PRR12: variants seen among roughly 807,000 people sequenced by gnomAD.
PRR12 encodes proline rich 12.
Under a neutral mutation model 138.0 loss-of-function variants are expected in PRR12, and 12 were observed. The ratio of observed to expected loss-of-function variants is 0.09; its 90% CI spans 0.06 to 0.14. The LOEUF (loss-of-function observed/expected upper bound fraction) is 0.14, where lower values mean the gene tolerates loss of function less well. PRR12 is among the 10% of genes least tolerant of loss of function. The pLI is 1.00. For synonymous variants in PRR12, 1,567 were observed against 1,291.7 expected (o/e 1.21, Z -4.57); for missense variants, 2,692 against 2,861.3 (o/e 0.94, Z 1.35).
rs1446601786 is a variant in PRR12 at position 49,597,137 on chromosome 19, C to T, written c.2802C>T (p.Phe934=). Residue 934 remains phenylalanine, a synonymous_variant, in exon 4 of 14, where the codon TTC becomes TTT. Coordinates refer to ENST00000418929, the MANE Select transcript of PRR12 (RefSeq NM_020719.3). This position sits in a 1 kb window ranked among gnomAD's most constrained non-coding sequence, Gnocchi z 6.3. ...TCGTGCCGCTCACCTCCATCTGCTT[C>T]CCTGACTCCTTGCTCCAAGACGAGG... ...PRFVPLTSIC[F]PDSLLQDEER... 1.9e-6 allele frequency: 3 copies of T among 1,551,526 alleles called. No individual in the cohort carries two copies. The highest frequency in any genetic ancestry group is 1.2e-5 in the South Asian group (1 of 84,146).
intron 6 of PRR12, among the ~76,000 whole-genome samples, chr19:49,610,704 T>G (rs548119567): frequency 1.5e-3 from 231 of 151,476 alleles, no homozygotes; most frequent in Admixed American, 8.7e-3. Context: ...ACCACGTCCG[T>G]CTAATTTTTT....
Position 49,597,011 on chromosome 19 carries a change from G to A in PRR12, c.2676G>A (p.Pro892=), listed in dbSNP as rs746772578. The change falls in exon 4 of 14, where the codon CCG becomes CCA. Residue 892 remains proline, a synonymous_variant. Coordinates refer to ENST00000418929, the MANE Select transcript of PRR12 (RefSeq NM_020719.3). The surrounding 1 kb of genome is among the most constrained non-coding windows in gnomAD (Gnocchi z 6.3). ...ELLGALEPLP[P]APGDTGVGPP... ...TCGGGGCTCTGGAGCCGCTGCCCCC[G>A]GCGCCTGGGGATACTGGCGTAGGCC... 1.3e-6 allele frequency: 2 copies of A among 1,556,942 alleles called. No individual in the cohort carries two copies. The highest frequency in any genetic ancestry group is 1.7e-6 in the Non-Finnish European group (2 of 1,153,350).
In PRR12 at chr19:49,594,669, T is replaced by C; in HGVS notation, c.362-28T>C. On this transcript the variant is annotated intron_variant, in intron 3 of 13. Coordinates refer to ENST00000418929, the MANE Select transcript of PRR12 (RefSeq NM_020719.3). The surrounding 1 kb of genome is among the most constrained non-coding windows in gnomAD (Gnocchi z 5.6). ...AGGGTGGGACTGGCTCGCTGTTCTC[T>C]CTGACGCGCGGTCTTCCTCATCTCC... The C allele has an allele frequency of 6.2e-7, 1 of 1,610,736 alleles. No homozygotes were observed. Among genetic ancestry groups the C allele is most frequent in the Non-Finnish European group, 8.5e-7 (1 of 1,179,528 alleles).
intron 6 of PRR12, among the ~76,000 whole-genome samples, chr19:49,608,581 G>A (rs1489197678): frequency 6.6e-6 from 1 of 152,084 alleles, no homozygotes; most frequent in African/African-American, 2.4e-5. Context: ...ATGTTGGCCA[G>A]GGTGGTCTCG....
intron 9 of PRR12, among the ~76,000 whole-genome samples, chr19:49,618,545 G>A (rs1248603550): frequency 6.6e-6 from 1 of 151,992 alleles, no homozygotes; most frequent in Non-Finnish European, 1.5e-5. Context: ...GTGCCACCAT[G>A]CCCGGCTAAT....
chr19:49,592,624 C>G (rs960062593), intron 1 of PRR12, among the ~76,000 whole-genome samples: 7 of 152,132 alleles, frequency 4.6e-5, no homozygotes, highest in African/African-American at 1.7e-4. Flanking sequence ...CAGGATTTTC[C>G]GTGTGGGATT....
chr19:49,598,050 G>T, intron 4 of PRR12, 37 bp downstream of exon 4: 1 of 1,295,746 alleles, frequency 7.7e-7, no homozygotes. Context: ...GATAGGGGAG[G>T]AGGAGCTGTG....
At chr19:49,601,050 A>G (rs1303230665) in intron 5 of PRR12, among the ~76,000 whole-genome samples, 1 of 152,100 alleles carries the variant, frequency 6.6e-6, no homozygotes, top group Non-Finnish European at 1.5e-5. Context: ...AAAAGCCTGA[A>G]GAAGGGAGCT....
chr19:49,620,961 C>T (rs1371920148), intron 10 of PRR12, among the ~76,000 whole-genome samples: 1 of 135,904 alleles, frequency 7.4e-6, no homozygotes, highest in Admixed American at 7.3e-5. Flanking sequence ...GGCCTGGACT[C>T]CTGGGTCTGA....
rs543237301 is a variant in PRR12 at position 49,591,243 on chromosome 19, C to A, written c.-412C>A. ...ACCGTGAGCGCAGAGGAGGAGGAGG[C>A]GGCGGCGGCGGCGGCGAGAGAGCGA... On this transcript the variant is annotated 5_prime_UTR_variant, in exon 1 of 14. Coordinates refer to ENST00000418929, the MANE Select transcript of PRR12 (RefSeq NM_020719.3). Among the ~76,000 whole-genome samples, 4 of 126,772 alleles carry A rather than the reference C, an allele frequency of 3.2e-5. No individual in the cohort carries two copies. The highest frequency in any genetic ancestry group is 2.7e-4 in the East Asian group (1 of 3,722). The allele number at this position is 126,772 out of a possible 152,430, so 83.2% of individuals were successfully genotyped here. A position where few individuals can be genotyped will look rare whatever the true frequency, so the allele number is the denominator to read the frequency against.
Position 49,595,024 on chromosome 19 carries a change from G to A in PRR12, c.689G>A (p.Gly230Asp). 6.2e-7 allele frequency: 1 copy of A among 1,603,990 alleles called. No homozygotes were observed. The highest frequency in any genetic ancestry group is 2.3e-5 in the East Asian group (1 of 44,420). ...GCCCAGACCCCCCCTTACCGCCCTG[G>A]CCCCCCAGACCCACCACCACCTCCT... is the stretch of plus-strand genomic sequence containing the variant. The part of the protein sequence containing the change: ...GPAQTPPYRP[G>D]PPDPPPPPRH... The change falls in exon 4 of 14, where the codon GGC (glycine) becomes GAC (aspartate). Residue 230 changes from glycine (G) to aspartate (D), a missense_variant. Physicochemically the swap from Gly to Asp is moderately conservative, Grantham distance 94. Coordinates refer to ENST00000418929, the MANE Select transcript of PRR12 (RefSeq NM_020719.3).
At chr19:49,603,734 T>C (rs191573956) in intron 6 of PRR12, among the ~76,000 whole-genome samples, 147 of 152,222 alleles carry the variant, frequency 9.7e-4, no homozygotes, top group African/African-American at 3.2e-3. Context: ...GTCCTGGATG[T>C]TGTTTTAATT....
chr19:49,621,185 C>G (rs1464326764), intron 10 of PRR12, among the ~76,000 whole-genome samples: 25 of 87,484 alleles, frequency 2.9e-4, no homozygotes, highest in African/African-American at 1.0e-3. Context: ...GGGGCTGGGG[C>G]CTGGACTCCT....
intron 9 of PRR12, 139 bp from the exon 10 acceptor site, chr19:49,620,213 G>C: frequency 2.5e-6 from 3 of 1,195,596 alleles, no homozygotes; most frequent in Non-Finnish European, 3.5e-6. Flanking sequence ...GCGCTTGCCT[G>C]TCAATCTTCC....
At chr19:49,603,205 CAG>C (rs1343433119) in intron 6 of PRR12, among the ~76,000 whole-genome samples, 22 of 152,352 alleles carry the variant, frequency 1.4e-4, no homozygotes, top group African/African-American at 2.6e-4. Flanking sequence ...AGGCACTTGA[CAG>C]GGGTAGGTGT....
At position 49,595,797 on chromosome 19, in the gene PRR12, C is replaced by G. The variant is rs776376559; in HGVS notation, c.1462C>G (p.Pro488Ala). ...CCCACAGCCCCCCAGCGGCCCCCCT[C>G]CTCCTGGCCTGGCCACATGTCAGAG... is the stretch of plus-strand genomic sequence containing the variant. Reference protein sequence around the residue: ...GPPQPPSGPPPPGLATCQSYS... With the variant: ...GPPQPPSGPPAPGLATCQSYS... The change falls in exon 4 of 14, where the codon CCT (proline) becomes GCT (alanine). Residue 488 changes from proline (P) to alanine (A), a missense_variant. Physicochemically the swap from Pro to Ala is conservative, Grantham distance 27. Transcript: ENST00000418929. 2 of 1,598,392 alleles carry G rather than the reference C, an allele frequency of 1.3e-6. No individual in the cohort carries two copies. The highest frequency in any genetic ancestry group is 2.3e-5 in the East Asian group (1 of 44,422).
At chr19:49,607,381 A>C (rs776129950) in intron 6 of PRR12, among the ~76,000 whole-genome samples, 34 of 151,808 alleles carry the variant, frequency 2.2e-4, no homozygotes, top group Non-Finnish European at 3.7e-4. Flanking sequence ...ACACACACAC[A>C]GAGTTTCAGC....
At chr19:49,592,570 C>G (rs2080735988) in intron 1 of PRR12, among the ~76,000 whole-genome samples, 1 of 152,126 alleles carries the variant, frequency 6.6e-6, no homozygotes, top group South Asian at 2.1e-4. Flanking sequence ...CACCTCCCCC[C>G]CAACACACCT....
Position 49,597,473 on chromosome 19 carries a change from G to A in PRR12, c.3138G>A (p.Pro1046=), listed in dbSNP as rs551419252. The change falls in exon 4 of 14, where the codon CCG becomes CCA. Residue 1046 remains proline (P), a synonymous_variant. Coordinates refer to ENST00000418929, the MANE Select transcript of PRR12 (RefSeq NM_020719.3). This position sits in a 1 kb window ranked among gnomAD's most constrained non-coding sequence, Gnocchi z 6.3. ...CGCCACCACCCCCGCCTCCGCCACC[G>A]CCGCCTCCCGCGCCGGCCTCCGAAC... ...QAAPPPPPPP[P]PPPAPASEPK... 2.7e-5 allele frequency: 41 copies of A among 1,544,418 alleles called. No individual in the cohort carries two copies. The highest frequency in any genetic ancestry group is 1.4e-4 in the Admixed American group (7 of 50,946).
Sources: gnomAD v4.1 joint callset for allele counts (sites outside exome capture counted in the v4.1 genomes callset) on GRCh38, gnomAD v4.1.1 for gene constraint, Gnocchi (gnomAD v3.1) non-coding constraint, MANE v1.5 for transcripts, NCBI Gene and HGNC (gene_info 2026-07-23, HGNC 2026-07-21) for gene names.